ADAMTSL1: variants seen among roughly 807,000 people sequenced by gnomAD.
The protein encoded by ADAMTSL1 is ADAMTS-like protein 1.
A neutral mutation model predicts 201.8 loss-of-function variants in ADAMTSL1; 126 were observed. That is an observed-to-expected ratio of 0.62 (90% CI 0.54 to 0.72). ADAMTSL1 has a LOEUF of 0.72. Ranked by LOEUF, ADAMTSL1 falls within the 30% of genes least tolerant of loss-of-function variation. ADAMTSL1 has a pLI of 0.00. For synonymous variants in ADAMTSL1, 1,121 were observed against 903.4 expected (o/e 1.24, Z -4.32); for missense variants, 2,679 against 2,277.8 (o/e 1.18, Z -3.59).
chr9:18,042,287 A>G lies in ADAMTSL1; in HGVS notation c.88-121575A>G, dbSNP rs545142456. Among the ~76,000 whole-genome samples, 5 of 152,270 alleles carry G rather than the reference A, an allele frequency of 3.3e-5. No homozygotes were observed. The South Asian group carries it at 8.3e-4, about 25-fold the overall frequency. The stretch of plus-strand genomic sequence containing the variant: ...AAATTGCTTAATTTAGCAAATGTTA[A>G]AAATATTATAATACTAATTCTGATT... On this transcript the variant is annotated intron_variant, in intron 1 of 29. Coordinates refer to the ADAMTSL1 transcript ENST00000680146.
At chr9:18,802,298 AT>A (rs1310119123) in intron 20 of ADAMTSL1, among the ~76,000 whole-genome samples, 1 of 152,114 alleles carries the variant, frequency 6.6e-6, no homozygotes, top group Non-Finnish European at 1.5e-5. Context: ...GGAGTTGTGC[AT>A]CCATCACCAC....
intron 2 of ADAMTSL1, among the ~76,000 whole-genome samples, chr9:18,279,696 C>G (rs1317542102): frequency 6.6e-6 from 1 of 151,920 alleles, no homozygotes; most frequent in African/African-American, 2.4e-5. Flanking sequence ...CATGTTTGAA[C>G]TATGCAGTTC....
intron 23 of ADAMTSL1, among the ~76,000 whole-genome samples, chr9:18,841,866 G>T (rs1393583598): frequency 6.6e-6 from 1 of 152,162 alleles, no homozygotes; most frequent in Non-Finnish European, 1.5e-5. Flanking sequence ...TTGTATTTCT[G>T]TGGGATCAGT....
intron 4 of ADAMTSL1, among the ~76,000 whole-genome samples, chr9:18,585,445 G>A (rs1332192607): frequency 1.3e-5 from 2 of 152,026 alleles, no homozygotes; most frequent in Non-Finnish European, 2.9e-5. Context: ...ATATACTCAT[G>A]CCCATCATTA....
At chr9:18,907,664 T>G (rs1830393136) in intron 28 of ADAMTSL1, 1 of 152,492 alleles carries the variant, frequency 6.6e-6, no homozygotes, top group African/African-American at 2.4e-5. Flanking sequence ...GCAGACGCCA[T>G]GTAGGCAAAT....
intron 1 of ADAMTSL1, among the ~76,000 whole-genome samples, chr9:18,007,157 A>G (rs1044697682): frequency 6.6e-6 from 1 of 152,108 alleles, no homozygotes; most frequent in East Asian, 1.9e-4. Context: ...TGTTGTTAAC[A>G]CAGTTTAAGC....
At chr9:18,662,602 G>T (rs1252481211) in intron 9 of ADAMTSL1, among the ~76,000 whole-genome samples, 2 of 152,112 alleles carry the variant, frequency 1.3e-5, no homozygotes, top group Non-Finnish European at 2.9e-5. Context: ...TTGCTAAAGA[G>T]AAAGAACTTA....
At chr9:18,192,589 T>C (rs1829012678) in intron 2 of ADAMTSL1, among the ~76,000 whole-genome samples, 1 of 152,182 alleles carries the variant, frequency 6.6e-6, no homozygotes, top group Non-Finnish European at 1.5e-5. Context: ...TCCAGTGTTT[T>C]TCCATGGTAC....
At chr9:18,211,592 C>A (rs1373063952) in intron 2 of ADAMTSL1, among the ~76,000 whole-genome samples, 1 of 152,180 alleles carries the variant, frequency 6.6e-6, no homozygotes, top group Non-Finnish European at 1.5e-5. Context: ...CCCCACTCAG[C>A]CAAATTGACA....
intron 1 of ADAMTSL1, among the ~76,000 whole-genome samples, chr9:17,908,583 A>T (rs569779360): frequency 3.6e-4 from 55 of 152,058 alleles, no homozygotes; most frequent in Middle Eastern, 3.4e-3. Context: ...CAGCCTCCCA[A>T]GTAGCTGGGA....
chr9:18,470,946 T>C (rs941777424), upstream of ADAMTSL1, among the ~76,000 whole-genome samples: 4 of 152,200 alleles, frequency 2.6e-5, no homozygotes, highest in African/African-American at 9.6e-5. Flanking sequence ...CTCACACACT[T>C]GCAGACGGTT....
chr9:18,535,216 A>T (rs1267099176), intron 3 of ADAMTSL1, among the ~76,000 whole-genome samples: 1 of 152,212 alleles, frequency 6.6e-6, no homozygotes, highest in Non-Finnish European at 1.5e-5. Flanking sequence ...AAAGTTACAC[A>T]GATCTCTAGG....
Position 17,922,194 on chromosome 9 carries a change from G to T in ADAMTSL1, c.87+15272G>T, listed in dbSNP as rs964434217. Among the ~76,000 whole-genome samples the T allele has an allele frequency of 1.6e-4, 24 of 151,806 alleles. 1 individual carries two copies. Among genetic ancestry groups the T allele is most frequent in the Admixed American group, 1.4e-3 (22 of 15,220 alleles). Reference sequence around the variant, plus strand: ...AGTTTTAATGTTTTATTTTGCACTGGGATGATCTCTAAGTGGAGAATTATG... The same window carrying T: ...AGTTTTAATGTTTTATTTTGCACTGTGATGATCTCTAAGTGGAGAATTATG... On this transcript the variant is annotated intron_variant, in intron 1 of 29. Transcript: ENST00000680146.
intron 2 of ADAMTSL1, among the ~76,000 whole-genome samples, chr9:18,326,224 A>C (rs1834826092): frequency 6.6e-6 from 1 of 152,228 alleles, no homozygotes; most frequent in Non-Finnish European, 1.5e-5. Context: ...TACTATAATA[A>C]GGCAAAACTT....
At chr9:18,876,339 T>TGTGTG (rs1828155076) in intron 23 of ADAMTSL1, among the ~76,000 whole-genome samples, 1 of 151,082 alleles carries the variant, frequency 6.6e-6, no homozygotes, top group Admixed American at 6.6e-5. Flanking sequence ...TGCGTGATTG[T>TGTGTG]TTTATAGGTT....
At chr9:18,469,753 A>AT (rs1821135685), upstream of ADAMTSL1, among the ~76,000 whole-genome samples, 1 of 152,216 alleles carries the variant, frequency 6.6e-6, no homozygotes, top group African/African-American at 2.4e-5. Flanking sequence ...CTCTGTAGCC[A>AT]TTTTTACAAG....
At chr9:18,217,023 G>A (rs77613400) in intron 2 of ADAMTSL1, among the ~76,000 whole-genome samples, 31 of 152,074 alleles carry the variant, frequency 2.0e-4, no homozygotes, top group African/African-American at 6.7e-4. Flanking sequence ...GACAAATGAG[G>A]GGTCAAGTAG....
intron 3 of ADAMTSL1, among the ~76,000 whole-genome samples, chr9:18,559,273 C>T (rs1821316952): frequency 6.6e-6 from 1 of 152,130 alleles, no homozygotes; most frequent in Non-Finnish European, 1.5e-5. Context: ...AACCCTTTCA[C>T]TATTGCTTGT....
intron 2 of ADAMTSL1, among the ~76,000 whole-genome samples, chr9:18,292,858 C>G (rs964055041): frequency 6.6e-6 from 1 of 152,172 alleles, no homozygotes; most frequent in Non-Finnish European, 1.5e-5. Flanking sequence ...TTGCAGATAA[C>G]CTATCATGGG....
Sources: allele counts gnomAD v4.1 joint callset (sites outside exome capture counted in the v4.1 genomes callset), GRCh38; gene constraint gnomAD v4.1.1; transcripts MANE v1.5; gene names NCBI Gene and HGNC (gene_info 2026-07-23, HGNC 2026-07-21).